The following EEF2 variants were observed in gnomAD, a reference collection of about 807,000 sequenced individuals.
The protein encoded by EEF2 is eukaryotic translation elongation factor 2, also known as elongation factor 2.
A neutral mutation model predicts 85.3 loss-of-function variants in EEF2; 21 were observed. The observed-to-expected ratio is 0.25, with a 90% CI of 0.17 to 0.35. The LOEUF is 0.35. Among genes scored for constraint, EEF2 ranks in the 10% least tolerant of loss-of-function variants. EEF2 has a pLI of 1.00. For missense variants in EEF2, 825 were observed against 1,225.3 expected, an observed-to-expected ratio of 0.67 and a Z score of 4.88; for synonymous variants, 723 against 508.8, an observed-to-expected ratio of 1.42 and a Z score of -5.67.
chr19:3,980,406 T>C (rs550060247), intron 9 of EEF2, 108 bp downstream of exon 9: 1 of 1,354,076 alleles, frequency 7.4e-7, no homozygotes, highest in Non-Finnish European at 1.0e-6. Flanking sequence ...TCACCCTATA[T>C]TCCTTCTATG....
chr19:3,985,268 C>T, intron 1 of EEF2, 110 bp downstream of exon 1: 3 of 1,236,448 alleles, frequency 2.4e-6, no homozygotes, highest in South Asian at 2.3e-5. Context: ...GCCCCGCCGC[C>T]GCTACGTCTC....
chr19:3,982,228 A>C lies in EEF2; in HGVS notation c.791+18T>G. On this transcript the variant is annotated intron_variant, in intron 5 of 14. Coordinates refer to ENST00000309311, the MANE Select transcript of EEF2 (RefSeq NM_001961.4). The stretch of plus-strand genomic sequence containing the variant: ...CCCCAGGTGTCAGGAATCCCCCACC[A>C]TATCCCGCGGGGCTCACCTGTCACC... 1.9e-6 allele frequency: 3 copies of C among 1,612,854 alleles called. No homozygotes were observed. The highest frequency in any genetic ancestry group is 2.5e-6 in the Non-Finnish European group (3 of 1,179,066).
Position 3,979,799 on chromosome 19 carries a change from C to T in EEF2, c.1605+9G>A, listed in dbSNP as rs74793154. The T allele has an allele frequency of 1.1e-5, 17 of 1,608,332 alleles. No individual in the cohort carries two copies. Among genetic ancestry groups the T allele is most frequent in the Middle Eastern group, 1.7e-4 (1 of 6,042 alleles). On this transcript the variant is annotated intron_variant, in intron 10 of 14. Coordinates refer to ENST00000309311, the MANE Select transcript of EEF2 (RefSeq NM_001961.4). Reference sequence around the variant, plus strand: ...GTGTCTGCTCCCAGCAGGTGCACTCCGTGCCCACCTGCACCATGGGGTCGG... The same window carrying T: ...GTGTCTGCTCCCAGCAGGTGCACTCTGTGCCCACCTGCACCATGGGGTCGG...
rs1346561578 is a variant in EEF2, at chr19:3,976,159, CGT to C, written c.*393_*394del. 3 of 236,070 alleles carry C rather than the reference CGT, an allele frequency of 1.3e-5. No individual in the cohort carries two copies. The highest frequency in any genetic ancestry group is 4.7e-5 in the African/African-American group (2 of 42,674). 14.6% of individuals were successfully genotyped at this position (236,070 alleles called of 1,614,324 possible). A position where few individuals can be genotyped will look rare whatever the true frequency, so the allele number is the denominator to read the frequency against. On this transcript the variant is annotated 3_prime_UTR_variant, in exon 15 of 15. Transcript: ENST00000309311. ...CTGCCTGCTAGAAATCATCTACCCG[CGT>C]GTTCCTTTCCCCTTTCTGGGGCAAA...
At chr19:3,982,581 C>A in intron 4 of EEF2, 157 bp from the exon 5 acceptor site, 1 of 1,111,936 alleles carries the variant, frequency 9.0e-7, no homozygotes, top group Non-Finnish European at 1.3e-6. Context: ...ATAGGGGGGC[C>A]AGCCCCTCCA....
chr19:3,980,341 T>G (rs2145360513), intron 9 of EEF2, among the ~76,000 whole-genome samples, 173 bp downstream of exon 9: 1 of 152,370 alleles, frequency 6.6e-6, no homozygotes, highest in Middle Eastern at 3.4e-3. Flanking sequence ...GGCTTGGAGC[T>G]TCTCCAGAAA....
chr19:3,982,695 A>C, intron 4 of EEF2, 112 bp downstream of exon 4: 1 of 1,281,766 alleles, frequency 7.8e-7, no homozygotes, highest in Non-Finnish European at 1.1e-6. Flanking sequence ...TCTGTCACCC[A>C]ACATTCCTGG....
Position 3,976,585 on chromosome 19 carries a change from G to C in EEF2, c.2546C>G (p.Pro849Arg). 6.2e-7 allele frequency: 1 copy of C among 1,610,232 alleles called. No homozygotes were observed. Among genetic ancestry groups the C allele is most frequent in the Non-Finnish European group, 8.5e-7 (1 of 1,178,506 alleles). The change falls in exon 15 of 15, where the codon CCT (proline) becomes CGT (arginine). Residue 849 changes from proline (P) to arginine (R), a missense_variant. Transcript: ENST00000309311. ...TTTGTCCAGGAAGTTGTCCAGGGCA[G>C]GGATGCCTTCTTTCAGGCCCTTGCG... The part of the protein sequence containing the change: ...RKRKGLKEGI[P>R]ALDNFLDKL
At chr19:3,982,213 C>A (rs761837810) in intron 5 of EEF2, 33 bp downstream of exon 5, 1 of 1,611,282 alleles carries the variant, frequency 6.2e-7, no homozygotes, top group Non-Finnish European at 8.5e-7. Context: ...CCCCAGGTGT[C>A]AGGAATCCCC....
chr19:3,980,958 G>A lies in EEF2; in HGVS notation c.1033C>T (p.Pro345Ser), dbSNP rs377613989. The A allele has an allele frequency of 2.7e-5, 43 of 1,573,240 alleles. No individual in the cohort carries two copies. The highest frequency in any genetic ancestry group is 3.5e-5 in the Non-Finnish European group (41 of 1,160,714). ...LLKAVMRRWLPAGDALLQMIT... is the reference protein window; with the variant it reads ...LLKAVMRRWLSAGDALLQMIT... Reference sequence around the variant, plus strand: ...ATCTGCAACAAGGCGTCTCCGGCAGGCAGCCAGCGGCGCATCACAGCCTGC... The same window carrying A: ...ATCTGCAACAAGGCGTCTCCGGCAGACAGCCAGCGGCGCATCACAGCCTGC... The change falls in exon 8 of 15, where the codon CCT becomes TCT. Residue 345 changes from proline (P) to serine (S), a missense_variant. By Grantham distance (74) the Pro-to-Ser change is moderately conservative (BLOSUM62 -1). Coordinates refer to ENST00000309311, the MANE Select transcript of EEF2 (RefSeq NM_001961.4).
At position 3,981,320 on chromosome 19, in the gene EEF2, G is replaced by T; in HGVS notation, c.1011+19C>A. On this transcript the variant is annotated intron_variant, in intron 7 of 14. Coordinates refer to ENST00000309311, the MANE Select transcript of EEF2 (RefSeq NM_001961.4). ...CAGCCTGTGTTCCCTCCACCCCGAG[G>T]GCTGGGCCCAGGCCGCACCTTCAGC... 6.2e-7 allele frequency: 1 copy of T among 1,611,376 alleles called. No individual in the cohort carries two copies. Among genetic ancestry groups the T allele is most frequent in the Middle Eastern group, 1.7e-4 (1 of 6,040 alleles).
chr19:3,984,019 T>C, intron 2 of EEF2, 117 bp downstream of exon 2: 1 of 1,109,094 alleles, frequency 9.0e-7, no homozygotes, highest in South Asian at 1.4e-5. Context: ...TCCCATGAAT[T>C]AAGAAACCAG....
Position 3,983,151 on chromosome 19 carries a change from C to T in EEF2, c.359G>A (p.Arg120Gln), listed in dbSNP as rs771613145. The T allele has an allele frequency of 6.2e-7, 1 of 1,614,022 alleles. No homozygotes were observed. The highest frequency in any genetic ancestry group is 8.5e-7 in the Non-Finnish European group (1 of 1,180,004). ...CACCACCAATGCGCCATCGGTGACTCGGAGGGCAGCAGTCACCTCCGAGGA... is the reference window on the plus strand; with the variant it reads ...CACCACCAATGCGCCATCGGTGACTTGGAGGGCAGCAGTCACCTCCGAGGA... ...DFSSEVTAAL[R>Q]VTDGALVVVD... The change falls in exon 3 of 15, where the codon CGA becomes CAA. Residue 120 changes from arginine to glutamine, a missense_variant. Physicochemically the swap from Arg to Gln is conservative, Grantham distance 43. Coordinates refer to ENST00000309311, the MANE Select transcript of EEF2 (RefSeq NM_001961.4).
intron 10 of EEF2, 126 bp from the exon 11 acceptor site, chr19:3,979,562 G>C: frequency 1.0e-6 from 1 of 967,638 alleles, no homozygotes; most frequent in Non-Finnish European, 1.5e-6. Context: ...TGGGAAACTG[G>C]GACCAGCACA....
chr19:3,982,179 A>G, intron 5 of EEF2, 67 bp downstream of exon 5: 1 of 1,603,294 alleles, frequency 6.2e-7, no homozygotes, highest in South Asian at 1.1e-5. Flanking sequence ...ATAGCACACC[A>G]CGCCCCTACG....
chr19:3,982,542 C>A, intron 4 of EEF2, 118 bp from the exon 5 acceptor site: 1 of 1,344,012 alleles, frequency 7.4e-7, no homozygotes. Context: ...GACATCTGGT[C>A]AAAGTGAAGA....
At position 3,980,712 on chromosome 19, in the gene EEF2, G is replaced by T; in HGVS notation, c.1151-3C>A. ...TTTGGGGTCACAGCTTTTAATGCCT[G>T]AGGGACAGAGAAAACCCGCAAGCTT... On this transcript the variant is annotated splice_region_variant and splice_polypyrimidine_tract_variant and intron_variant, in intron 8 of 14. Transcript: ENST00000309311. The T allele has an allele frequency of 6.2e-7, 1 of 1,611,846 alleles. No homozygotes were observed. Among genetic ancestry groups the T allele is most frequent in the Non-Finnish European group, 8.5e-7 (1 of 1,178,266 alleles).
At chr19:3,978,431 G>A (rs2039703284) in intron 11 of EEF2, among the ~76,000 whole-genome samples, 2 of 152,132 alleles carry the variant, frequency 1.3e-5, no homozygotes, top group Admixed American at 6.6e-5. Context: ...GGGAAGAAAC[G>A]AGGTCTGGAG....
At chr19:3,983,583 A>G (rs2039782399) in intron 2 of EEF2, among the ~76,000 whole-genome samples, 1 of 152,064 alleles carries the variant, frequency 6.6e-6, no homozygotes, top group South Asian at 2.1e-4. Flanking sequence ...GTAGCAACTA[A>G]AAGACCCAGC....
Sources: allele counts gnomAD v4.1 joint callset (sites outside exome capture counted in the v4.1 genomes callset), GRCh38; gene constraint gnomAD v4.1.1; transcripts MANE v1.5; gene names NCBI Gene and HGNC (gene_info 2026-07-23, HGNC 2026-07-21).